The following DSTN variants were observed in gnomAD, a reference collection of about 807,000 sequenced individuals.
The protein encoded by DSTN is destrin.
A neutral mutation model predicts 16.8 loss-of-function variants in DSTN; 10 were observed. The ratio of observed to expected loss-of-function variants is 0.60; its 90% CI spans 0.37 to 1.01. DSTN has a LOEUF of 1.01. DSTN is among the 50% of genes least tolerant of loss of function. The pLI is 0.01. For missense variants in DSTN, 141 were observed against 196.7 expected, an observed-to-expected ratio of 0.72 and a Z score of 1.69; for synonymous variants, 57 against 58.9, an observed-to-expected ratio of 0.97 and a Z score of 0.14.
intron 3 of DSTN, 149 bp from the exon 4 acceptor site, chr20:17,606,888 A>AT: frequency 1.6e-6 from 1 of 630,190 alleles, no homozygotes. Flanking sequence ...AGTTACAATT[A>AT]TTTTTTCTCG....
chr20:17,598,663 T>C (rs1190376839), intron 1 of DSTN, among the ~76,000 whole-genome samples: 2 of 152,230 alleles, frequency 1.3e-5, no homozygotes, highest in Non-Finnish European at 2.9e-5. Flanking sequence ...CTTCATCTTA[T>C]ATGCATTTTT....
At chr20:17,594,165 A>C (rs1163452391) in intron 1 of DSTN, among the ~76,000 whole-genome samples, 1 of 152,172 alleles carries the variant, frequency 6.6e-6, no homozygotes, top group Non-Finnish European at 1.5e-5. Context: ...GGACTGTTCT[A>C]AGTATGGTGA....
chr20:17,601,953 T>A (rs2035591627), intron 2 of DSTN, among the ~76,000 whole-genome samples: 1 of 151,412 alleles, frequency 6.6e-6, no homozygotes, highest in Non-Finnish European at 1.5e-5. Context: ...TTTTTTTTTT[T>A]AGAGGGGCAA....
intron 1 of DSTN, among the ~76,000 whole-genome samples, chr20:17,580,713 A>T (rs926564053): frequency 6.7e-6 from 1 of 150,128 alleles, no homozygotes; most frequent in Non-Finnish European, 1.5e-5. Context: ...GTGCCATTGC[A>T]CTCCAGCCTG....
At chr20:17,596,479 C>A (rs1025494379) in intron 1 of DSTN, among the ~76,000 whole-genome samples, 3 of 152,272 alleles carry the variant, frequency 2.0e-5, no homozygotes, top group African/African-American at 7.2e-5. Flanking sequence ...AGTCACTAAT[C>A]GAGAGAATCC....
chr20:17,574,853 T>C (rs1216594570), intron 1 of DSTN, among the ~76,000 whole-genome samples: 1 of 131,966 alleles, frequency 7.6e-6, no homozygotes, highest in Non-Finnish European at 1.5e-5. Context: ...TCTTTTCTTT[T>C]TCTTTTCTTT....
At chr20:17,594,082 A>AAAATAAATAAATAAATAAAT (rs59974407) in intron 1 of DSTN, among the ~76,000 whole-genome samples, 3 of 145,502 alleles carry the variant, frequency 2.1e-5, no homozygotes, top group Admixed American at 6.8e-5. Context: ...CCGTATCTCA[A>AAAATAAATAAATAAATAAAT]AAATAAATAA....
chr20:17,604,678 C>T, intron 3 of DSTN, 47 bp downstream of exon 3: 2 of 1,547,376 alleles, frequency 1.3e-6, no homozygotes, highest in Non-Finnish European at 1.8e-6. Context: ...GGTGAACACT[C>T]AGAATGGGGC....
At chr20:17,592,056 G>A (rs1320837197) in intron 1 of DSTN, 2 of 985,266 alleles carry the variant, frequency 2.0e-6, no homozygotes, top group Non-Finnish European at 2.4e-6. Flanking sequence ...GTTGGGCCAG[G>A]CTTTAGGGTT....
intron 1 of DSTN, among the ~76,000 whole-genome samples, chr20:17,584,383 C>T (rs978969918): frequency 2.6e-5 from 4 of 152,188 alleles, no homozygotes; most frequent in African/African-American, 9.6e-5. Flanking sequence ...GGCACAGTGG[C>T]TCACGCCTGT....
At chr20:17,570,581 T>TGGGGGGC (rs1248489969) in intron 1 of DSTN, among the ~76,000 whole-genome samples, 2 of 148,772 alleles carry the variant, frequency 1.3e-5, no homozygotes, top group African/African-American at 2.5e-5. Context: ...GGCCGGGGAG[T>TGGGGGGC]GGGGGGCGGG....
At position 17,574,870 on chromosome 20, in the gene DSTN, G is replaced by GTTTTTTTTTT. The variant is rs533880691; in HGVS notation, c.3+4672_3+4681dup. On this transcript the variant is annotated intron_variant, in intron 1 of 3. Transcript: ENST00000246069. Reference sequence around the variant, plus strand: ...TTTTCTTTTTCTTTTCTTTTCTTTTGTTTTTTTTTTTTTTTTTTTTTTGAG... The same window carrying GTTTTTTTTTT: ...TTTTCTTTTTCTTTTCTTTTCTTTTGTTTTTTTTTTTTTTTTTTTTTTTTTTTTTTTTGAG... Among the ~76,000 whole-genome samples, 54 of 81,172 alleles carry GTTTTTTTTTT rather than the reference G, an allele frequency of 6.7e-4. 2 individuals are homozygous for GTTTTTTTTTT. Among genetic ancestry groups the GTTTTTTTTTT allele is most frequent in the East Asian group, 1.3e-3 (3 of 2,274 alleles). The allele number at this position is 81,172 out of a possible 152,430, so 53.3% of individuals were successfully genotyped here. A position where few individuals can be genotyped will look rare whatever the true frequency, so the allele number is the denominator to read the frequency against.
At chr20:17,595,588 C>G (rs1389455878) in intron 1 of DSTN, among the ~76,000 whole-genome samples, 1 of 151,748 alleles carries the variant, frequency 6.6e-6, no homozygotes, top group Non-Finnish European at 1.5e-5. Flanking sequence ...CATTGCACTC[C>G]AGCCTGGATG....
chr20:17,604,665 T>C (rs760742297), intron 3 of DSTN, 34 bp downstream of exon 3: 52 of 1,587,192 alleles, frequency 3.3e-5, no homozygotes, highest in South Asian at 3.1e-4. Context: ...TATGTAGAGG[T>C]ATGGTGAACA....
At chr20:17,579,444 G>A (rs1259214387) in intron 1 of DSTN, among the ~76,000 whole-genome samples, 1 of 152,074 alleles carries the variant, frequency 6.6e-6, no homozygotes, top group Non-Finnish European at 1.5e-5. Flanking sequence ...AAAGCTAGGT[G>A]TGGCAGCGCA....
At chr20:17,577,368 C>T (rs2035290519) in intron 1 of DSTN, among the ~76,000 whole-genome samples, 1 of 152,060 alleles carries the variant, frequency 6.6e-6, no homozygotes, top group African/African-American at 2.4e-5. Context: ...TTGTAAGAAT[C>T]TGCAGCCTGA....
At chr20:17,585,208 A>G (rs1235138534) in intron 1 of DSTN, among the ~76,000 whole-genome samples, 2 of 152,214 alleles carry the variant, frequency 1.3e-5, no homozygotes, top group East Asian at 3.8e-4. Flanking sequence ...CTGTTAATAA[A>G]TAAGGACTTT....
chr20:17,586,933 G>A (rs6044895), intron 1 of DSTN, among the ~76,000 whole-genome samples: 57,933 of 151,938 alleles, frequency 0.38, 11,862 homozygotes, highest in East Asian at 0.56. Context: ...TCAACCCTGT[G>A]GTACACTTTC....
At position 17,570,171 on chromosome 20, in the gene DSTN, GCT is replaced by G. The variant is rs961633302; in HGVS notation, c.-36_-35del. The G allele has an allele frequency of 6.6e-7, 1 of 1,518,814 alleles. No individual in the cohort carries two copies. Among genetic ancestry groups the G allele is most frequent in the African/African-American group, 1.4e-5 (1 of 69,750 alleles). 94.1% of individuals were successfully genotyped at this position (1,518,814 alleles called of 1,614,324 possible). On this transcript the variant is annotated 5_prime_UTR_variant, in exon 1 of 4. Coordinates refer to ENST00000246069, the MANE Select transcript of DSTN (RefSeq NM_006870.4). Reference sequence around the variant, plus strand: ...CGGTCTGCATACTCGCTGCCCGCCGGCTCCCTCCCCCGCGTCCCTGCGACCGC... The same window carrying G: ...CGGTCTGCATACTCGCTGCCCGCCGGCCCTCCCCCGCGTCCCTGCGACCGC...
Sources: allele counts gnomAD v4.1 joint callset (sites outside exome capture counted in the v4.1 genomes callset), GRCh38; gene constraint gnomAD v4.1.1; transcripts MANE v1.5; gene names NCBI Gene and HGNC (gene_info 2026-07-23, HGNC 2026-07-21).